GFRA3: variants seen among roughly 807,000 people sequenced by gnomAD.
GFRA3 encodes GDNF family receptor alpha-3.
Under a neutral mutation model 40.0 loss-of-function variants are expected in GFRA3, and 24 were observed. That is an observed-to-expected ratio of 0.60 (90% CI 0.43 to 0.84). The LOEUF is 0.84. Ranked by LOEUF, GFRA3 falls within the 40% of genes least tolerant of loss-of-function variation. GFRA3 has a pLI of 0.00. For missense variants in GFRA3, 405 were observed against 530.6 expected, an observed-to-expected ratio of 0.76 and a Z score of 2.33; for synonymous variants, 203 against 213.5, an observed-to-expected ratio of 0.95 and a Z score of 0.43.
In GFRA3 at chr5:138,255,589, A is replaced by G. The variant is rs1258893965; in HGVS notation, c.786-1429T>C. On this transcript the variant is annotated intron_variant, in intron 4 of 7. Transcript: ENST00000274721. ...GCACATCCTAAGTAATAACTACATT[A>G]GTGCACAAAGATTAAAGAGTAAGAG... Among the ~76,000 whole-genome samples, 10 of 152,266 alleles carry G rather than the reference A, an allele frequency of 6.6e-5. No individual in the cohort carries two copies. The East Asian group carries it at 1.9e-3, about 29-fold the overall frequency.
At chr5:138,259,921 A>G (rs1755686335) in intron 2 of GFRA3, among the ~76,000 whole-genome samples, 1 of 152,050 alleles carries the variant, frequency 6.6e-6, no homozygotes, top group Non-Finnish European at 1.5e-5. Flanking sequence ...GTAAATAAAT[A>G]TGCTGAGCAC....
intron 6 of GFRA3, 39 bp from the exon 7 acceptor site, chr5:138,253,414 G>A: frequency 7.8e-7 from 1 of 1,276,904 alleles, no homozygotes; most frequent in Non-Finnish European, 1.1e-6. Context: ...AGGGTATGGG[G>A]GCAGGAGATT....
At chr5:138,270,855 C>T (rs1755858040) in intron 1 of GFRA3, among the ~76,000 whole-genome samples, 1 of 151,898 alleles carries the variant, frequency 6.6e-6, no homozygotes, top group Admixed American at 6.6e-5. Context: ...TATATATTTA[C>T]CAAAAGGGGA....
At chr5:138,253,681 C>T (rs1182863092) in intron 6 of GFRA3, 85 bp downstream of exon 6, 84 of 1,298,450 alleles carry the variant, frequency 6.5e-5, no homozygotes, top group South Asian at 1.2e-4. Flanking sequence ...ATGGAACCAG[C>T]CTGGGCCACA....
chr5:138,270,711 G>A (rs990229739), intron 1 of GFRA3, among the ~76,000 whole-genome samples: 1 of 151,564 alleles, frequency 6.6e-6, no homozygotes, highest in African/African-American at 2.4e-5. Context: ...ATAACCTATG[G>A]AAAAGAAAAA....
Position 138,253,869 on chromosome 5 carries a change from A to G in GFRA3, c.921T>C (p.Asn307=), listed in dbSNP as rs1755587419. Residue 307 remains asparagine (N), a synonymous_variant, in exon 6 of 8, where the codon AAT becomes AAC. Coordinates refer to ENST00000274721, the MANE Select transcript of GFRA3 (RefSeq NM_001496.4). ...AGCTTAAGGCAACACTGGTGTTGAC[A>G]TTGCTGACAAAGTTGGGGGTCATGG... ...GTAMTPNFVS[N]VNTSVALSCT... is the part of the protein sequence containing the mutation. 4 of 1,614,066 alleles carry G rather than the reference A, an allele frequency of 2.5e-6. No individual in the cohort carries two copies. The highest frequency in any genetic ancestry group is 1.7e-6 in the Non-Finnish European group (2 of 1,179,948).
At chr5:138,268,581 C>T (rs1482550914) in intron 1 of GFRA3, among the ~76,000 whole-genome samples, 1 of 151,992 alleles carries the variant, frequency 6.6e-6, no homozygotes, top group Non-Finnish European at 1.5e-5. Flanking sequence ...CAAATTCAAA[C>T]AAATCAGCAA....
chr5:138,257,682 A>C lies in GFRA3; in HGVS notation c.742T>G (p.Cys248Gly). The change falls in exon 4 of 8, where the codon TGC (cysteine) becomes GGC (glycine). Residue 248 changes from cysteine (C) to glycine (G), a missense_variant. Transcript: ENST00000274721. ...AAGCAGAGGCGCCGCAGCTCCAGGC[A>C]GTTGGGGGCCACAGGCGGCAGCGCG... is the stretch of plus-strand genomic sequence containing the variant. ...NCALPPVAPNCLELRRLCFSD... is the reference protein window; with the variant it reads ...NCALPPVAPNGLELRRLCFSD... 2 of 1,609,942 alleles carry C rather than the reference A, an allele frequency of 1.2e-6. No individual in the cohort carries two copies. Among genetic ancestry groups the C allele is most frequent in the Non-Finnish European group, 1.7e-6 (2 of 1,179,074 alleles).
At chr5:138,265,325 T>C (rs13436625) in intron 1 of GFRA3, among the ~76,000 whole-genome samples, 43,807 of 149,184 alleles carry the variant, frequency 0.29, 7,460 homozygotes, top group South Asian at 0.43. Context: ...CAAGCGATTC[T>C]CCTGCCTCAG....
intron 4 of GFRA3, among the ~76,000 whole-genome samples, chr5:138,256,941 T>C (rs1755639707): frequency 1.9e-5 from 1 of 53,470 alleles, no homozygotes; most frequent in African/African-American, 7.3e-5. Context: ...AAGGGGACTC[T>C]GTCTCAAAAA....
intron 2 of GFRA3, among the ~76,000 whole-genome samples, 181 bp downstream of exon 2, chr5:138,264,080 C>T (rs1365693244): frequency 6.6e-6 from 1 of 152,138 alleles, no homozygotes; most frequent in Non-Finnish European, 1.5e-5. Flanking sequence ...GAAGAGAGGG[C>T]AGTGTTATGG....
At chr5:138,253,518 T>C (rs993564817) in intron 6 of GFRA3, 143 bp from the exon 7 acceptor site, 4 of 692,730 alleles carry the variant, frequency 5.8e-6, no homozygotes, top group South Asian at 5.0e-5. Context: ...TACTCTCTCA[T>C]TCTGCTTGTT....
At chr5:138,260,528 G>A (rs927716082) in intron 2 of GFRA3, among the ~76,000 whole-genome samples, 3 of 152,194 alleles carry the variant, frequency 2.0e-5, no homozygotes, top group African/African-American at 4.8e-5. Flanking sequence ...TAGCACTTTG[G>A]GAGGCCTAGG....
At chr5:138,253,167 C>T (rs1225011858) in intron 7 of GFRA3, 110 bp from the exon 8 acceptor site, 1 of 846,132 alleles carries the variant, frequency 1.2e-6, no homozygotes, top group African/African-American at 1.7e-5. Flanking sequence ...CATTAGAGGT[C>T]TCTAGTATTC....
chr5:138,270,193 C>T (rs1429551979), intron 1 of GFRA3, among the ~76,000 whole-genome samples: 2 of 135,652 alleles, frequency 1.5e-5, no homozygotes, highest in Non-Finnish European at 3.2e-5. Context: ...AACCCCGTCT[C>T]CACTAAAAAT....
chr5:138,270,205 CAAAAAAAAAA>C (rs34014240), intron 1 of GFRA3, among the ~76,000 whole-genome samples: 1 of 72,474 alleles, frequency 1.4e-5, no homozygotes, highest in African/African-American at 6.4e-5. Context: ...ACTAAAAATA[CAAAAAAAAAA>C]AAAAAAAAAA....
chr5:138,273,147 G>A (rs1307049173), intron 1 of GFRA3, among the ~76,000 whole-genome samples: 1 of 152,128 alleles, frequency 6.6e-6, no homozygotes, highest in African/African-American at 2.4e-5. Flanking sequence ...CCATGAATCG[G>A]AGGTCTCCTA....
chr5:138,253,474 T>A (rs1328939398), intron 6 of GFRA3, 99 bp from the exon 7 acceptor site: 1 of 800,446 alleles, frequency 1.2e-6, no homozygotes, highest in African/African-American at 1.7e-5. Context: ...CCCTGGGCTA[T>A]AGGGGAGCAA....
intron 3 of GFRA3, among the ~76,000 whole-genome samples, chr5:138,258,166 C>CTTTTT (rs66792829): frequency 0.021 from 1,100 of 51,610 alleles, 179 homozygotes; most frequent in Non-Finnish European, 0.025. Context: ...CCCTACTCCT[C>CTTTTT]TTTTTTTTTT....
Sources: gnomAD v4.1 joint callset for allele counts (sites outside exome capture counted in the v4.1 genomes callset) on GRCh38, gnomAD v4.1.1 for gene constraint, MANE v1.5 for transcripts, NCBI Gene and HGNC (gene_info 2026-07-23, HGNC 2026-07-21) for gene names.